The following LYN variants were observed in gnomAD, a reference collection of about 807,000 sequenced individuals.
The protein encoded by LYN is tyrosine-protein kinase Lyn.
A neutral mutation model predicts 65.0 loss-of-function variants in LYN; 12 were observed. The observed-to-expected ratio is 0.18, with a 90% confidence interval of 0.12 to 0.30. The LOEUF (loss-of-function observed/expected upper bound fraction) is 0.30, where lower values mean the gene tolerates loss of function less well. Among genes scored for constraint, LYN ranks in the 10% least tolerant of loss-of-function variants. The probability of loss-of-function intolerance (pLI) is 1.00; values close to 1 mark genes in which losing one functional copy is unlikely to be tolerated. For synonymous variants in LYN, 222 were observed against 221.2 expected (o/e 1.00, Z -0.03); for missense variants, 380 against 623.2 (o/e 0.61, Z 4.16).
At chr8:55,954,502 C>T (rs770569459) in intron 8 of LYN, among the ~76,000 whole-genome samples, 1 of 152,154 alleles carries the variant, frequency 6.6e-6, no homozygotes, top group Non-Finnish European at 1.5e-5. Flanking sequence ...ATAGCAGTGG[C>T]TTTTTCCAGG....
At chr8:55,904,160 A>G (rs929782557) in intron 1 of LYN, among the ~76,000 whole-genome samples, 1 of 152,242 alleles carries the variant, frequency 6.6e-6, no homozygotes, top group Non-Finnish European at 1.5e-5. Flanking sequence ...CAGGACTTTA[A>G]TAGATAAATC....
chr8:55,881,969 GAAGA>G (rs1168981767), intron 1 of LYN, among the ~76,000 whole-genome samples: 1 of 152,216 alleles, frequency 6.6e-6, no homozygotes, highest in African/African-American at 2.4e-5. Context: ...ATAGGGAGAT[GAAGA>G]AATAGAGCTG....
chr8:56,002,882 A>C (rs556059032), intron 12 of LYN, among the ~76,000 whole-genome samples: 1 of 152,218 alleles, frequency 6.6e-6, no homozygotes, highest in Non-Finnish European at 1.5e-5. Flanking sequence ...ATAATCAAGC[A>C]ATCCTATTTA....
chr8:56,011,128 C>T lies in LYN; in HGVS notation c.*1018C>T, dbSNP rs1373864688. ...CACATTCGGGGCTATTTTTATGATTCAGCAATCTTTTCTAAATTGTGTAGC... is the reference window on the plus strand; with the variant it reads ...CACATTCGGGGCTATTTTTATGATTTAGCAATCTTTTCTAAATTGTGTAGC... On this transcript the variant is annotated 3_prime_UTR_variant, in exon 13 of 13. Transcript: ENST00000519728. 1 of 229,012 alleles carries T rather than the reference C, an allele frequency of 4.4e-6. No homozygotes were observed. Among genetic ancestry groups the T allele is most frequent in the African/African-American group, 2.2e-5 (1 of 45,086 alleles). 14.2% of individuals were successfully genotyped at this position (229,012 alleles called of 1,614,324 possible). A position where few individuals can be genotyped will look rare whatever the true frequency, so the allele number is the denominator to read the frequency against.
chr8:55,911,932 C>T (rs1244223302), intron 1 of LYN, among the ~76,000 whole-genome samples: 2 of 151,984 alleles, frequency 1.3e-5, no homozygotes, highest in Non-Finnish European at 2.9e-5. Context: ...GTGTGGTGGG[C>T]GTCCAAATGG....
At chr8:55,928,949 T>A (rs1806187837) in intron 1 of LYN, among the ~76,000 whole-genome samples, 1 of 152,186 alleles carries the variant, frequency 6.6e-6, no homozygotes, top group Non-Finnish European at 1.5e-5. Flanking sequence ...TTGATTTTTG[T>A]AATAGATGTA....
chr8:55,902,281 G>A (rs913629650), intron 1 of LYN, among the ~76,000 whole-genome samples: 2 of 151,522 alleles, frequency 1.3e-5, no homozygotes, highest in African/African-American at 4.8e-5. Flanking sequence ...GTGCTGGGAT[G>A]ATAGGCGTGA....
At chr8:55,979,394 A>C (rs1335201378) in intron 10 of LYN, among the ~76,000 whole-genome samples, 1 of 152,110 alleles carries the variant, frequency 6.6e-6, no homozygotes, top group Non-Finnish European at 1.5e-5. Flanking sequence ...AAATGAAATA[A>C]AATTACTGAG....
chr8:55,988,183 TAAC>T (rs1301144999), intron 10 of LYN, among the ~76,000 whole-genome samples: 1 of 152,084 alleles, frequency 6.6e-6, no homozygotes, highest in Non-Finnish European at 1.5e-5. Flanking sequence ...CAATGAATAT[TAAC>T]AAGTAGAAAA....
At chr8:55,934,888 C>T (rs1806381771) in intron 1 of LYN, among the ~76,000 whole-genome samples, 1 of 152,204 alleles carries the variant, frequency 6.6e-6, no homozygotes, top group Non-Finnish European at 1.5e-5. Context: ...CTCCTTCAGA[C>T]ACCTCTTTCT....
intron 1 of LYN, among the ~76,000 whole-genome samples, chr8:55,910,150 A>C (rs191453339): frequency 9.9e-4 from 151 of 152,154 alleles, no homozygotes; most frequent in African/African-American, 3.5e-3. Flanking sequence ...TTTTAGTTTA[A>C]GTAAGTCTCA....
chr8:55,940,228 A>G (rs1806568194), intron 1 of LYN: 1 of 152,204 alleles, frequency 6.6e-6, no homozygotes, highest in East Asian at 1.9e-4. Context: ...CCTAGGCACC[A>G]GATTTGGCAG....
chr8:55,906,416 A>G (rs965440819), intron 1 of LYN, among the ~76,000 whole-genome samples: 3 of 151,984 alleles, frequency 2.0e-5, no homozygotes, highest in African/African-American at 7.2e-5. Flanking sequence ...ACACCCAGCA[A>G]TGGCGTGATT....
rs139701376 is a variant in LYN, at chr8:55,903,731, G to A, written c.-6+23628G>A. Among the ~76,000 whole-genome samples the A allele has an allele frequency of 2.6e-3, 395 of 152,298 alleles. 1 individual carries two copies. The highest frequency in any genetic ancestry group is 9.1e-3 in the African/African-American group (377 of 41,560). On this transcript the variant is annotated intron_variant, in intron 1 of 12. Transcript: ENST00000519728. ...TTATTCTAAATGTAGAATTTAAAGT[G>A]TTTTATCCATGGTAGCTCACACCTG...
chr8:55,963,309 T>C (rs555561562), intron 8 of LYN, among the ~76,000 whole-genome samples: 1 of 152,324 alleles, frequency 6.6e-6, no homozygotes, highest in South Asian at 2.1e-4. Flanking sequence ...AAAGTGCTGG[T>C]CCCAGCTTAA....
At chr8:55,961,770 C>T (rs538506175) in intron 8 of LYN, among the ~76,000 whole-genome samples, 1 of 152,178 alleles carries the variant, frequency 6.6e-6, no homozygotes, top group East Asian at 1.9e-4. Flanking sequence ...ACAGAAAATG[C>T]AAACACAAAT....
At chr8:55,952,158 T>C in intron 7 of LYN, 43 bp downstream of exon 7, 1 of 1,502,840 alleles carries the variant, frequency 6.7e-7, no homozygotes, top group Non-Finnish European at 9.0e-7. Context: ...ATATATTTGT[T>C]ATGATATGTA....
At position 56,003,121 on chromosome 8, in the gene LYN, G is replaced by T. The variant is rs376260877; in HGVS notation, c.1336+3572G>T. 2.3e-3 allele frequency among the ~76,000 whole-genome samples: 342 copies of T among 150,798 alleles called. 1 individual carries two copies. Among genetic ancestry groups the T allele is most frequent in the African/African-American group, 8.2e-3 (335 of 40,986 alleles). On this transcript the variant is annotated intron_variant, in intron 12 of 12. Transcript: ENST00000519728. ...GTTGCCCAGGCTGGAGTGCAGTGGC[G>T]TGATCTCGGCTCACTGCTAGCCCCA...
At chr8:55,976,036 C>CA (rs1807741948) in intron 10 of LYN, among the ~76,000 whole-genome samples, 1 of 151,888 alleles carries the variant, frequency 6.6e-6, no homozygotes, top group Non-Finnish European at 1.5e-5. Context: ...TGAGTGCTAC[C>CA]GTAAGTCACA....
Sources: gnomAD v4.1 joint callset for allele counts (sites outside exome capture counted in the v4.1 genomes callset) on GRCh38, gnomAD v4.1.1 for gene constraint, MANE v1.5 for transcripts, NCBI Gene and HGNC (gene_info 2026-07-23, HGNC 2026-07-21) for gene names.